Variants in UEVLD observed in about 807,000 individuals in gnomAD.
UEVLD encodes the protein ubiquitin-conjugating enzyme E2 variant 3.
Under a neutral mutation model 58.6 loss-of-function variants are expected in UEVLD, and 47 were observed. That is an observed-to-expected ratio of 0.80 (90% CI 0.63 to 1.02). UEVLD has a LOEUF of 1.02. UEVLD is among the 50% of genes least tolerant of loss of function. The pLI, the probability that UEVLD is intolerant of heterozygous loss-of-function variation, is 0.00. For synonymous variants in UEVLD, 197 were observed against 195.3 expected (o/e 1.01, Z -0.07); for missense variants, 510 against 550.6 (o/e 0.93, Z 0.74).
intron 6 of UEVLD, among the ~76,000 whole-genome samples, chr11:18,560,209 G>A (rs1416553787): frequency 6.0e-5 from 9 of 150,490 alleles, no homozygotes; most frequent in African/African-American, 2.0e-4. Context: ...CACTGAATTC[G>A]GCCTTACTTT....
Position 18,559,185 on chromosome 11 carries a change from TTTTTC to T in UEVLD, c.613-860_613-856del, listed in dbSNP as rs372949115. 8.7e-4 allele frequency among the ~76,000 whole-genome samples: 130 copies of T among 150,284 alleles called. 2 individuals carry two copies. The highest frequency in any genetic ancestry group is 2.5e-3 in the African/African-American group (102 of 40,818). On this transcript the variant is annotated intron_variant, in intron 6 of 11. Transcript: ENST00000396197. ...CACCGTGCCCAGGTCTGCAGGTTTCTTTTTCTTTTCTTTTCTTTTCTTTTTTTTTC... is the reference window on the plus strand; with the variant it reads ...CACCGTGCCCAGGTCTGCAGGTTTCTTTTTCTTTTCTTTTCTTTTTTTTTC...
At chr11:18,539,855 T>C (rs1198221333) in intron 9 of UEVLD, among the ~76,000 whole-genome samples, 1 of 152,194 alleles carries the variant, frequency 6.6e-6, no homozygotes, top group Non-Finnish European at 1.5e-5. Context: ...GACCTAAAGG[T>C]CTTGTATGTC....
chr11:18,581,160 C>G (rs1280935676), intron 1 of UEVLD, among the ~76,000 whole-genome samples: 2 of 126,154 alleles, frequency 1.6e-5, no homozygotes, highest in Admixed American at 1.7e-4. Flanking sequence ...TAGACTCAGT[C>G]TCAAAAAAAA....
chr11:18,537,324 ATTTTTT>A (rs1554974951), intron 9 of UEVLD, among the ~76,000 whole-genome samples: 1 of 131,562 alleles, frequency 7.6e-6, no homozygotes, highest in African/African-American at 2.9e-5. Context: ...ATATATATAT[ATTTTTT>A]TTTTTTTTTC....
chr11:18,551,422 CAA>C (rs34545423), intron 7 of UEVLD, among the ~76,000 whole-genome samples: 14 of 67,348 alleles, frequency 2.1e-4, no homozygotes, highest in Admixed American at 3.1e-4. Context: ...GACTCCATCA[CAA>C]AAAAAAAAAA....
chr11:18,557,201 G>A (rs1851789965), intron 7 of UEVLD, among the ~76,000 whole-genome samples: 1 of 151,826 alleles, frequency 6.6e-6, no homozygotes, highest in South Asian at 2.1e-4. Context: ...CGCCCAGGCT[G>A]GAGTGCAGTG....
chr11:18,534,725 T>C (rs1382368836), intron 10 of UEVLD, among the ~76,000 whole-genome samples: 2 of 152,226 alleles, frequency 1.3e-5, no homozygotes, highest in Non-Finnish European at 2.9e-5. Context: ...AAACAATAAA[T>C]ACCAATTTGC....
chr11:18,561,969 G>T (rs1180797097), intron 6 of UEVLD, among the ~76,000 whole-genome samples: 5 of 151,912 alleles, frequency 3.3e-5, no homozygotes, highest in African/African-American at 1.2e-4. Flanking sequence ...AAGGTTAGTT[G>T]CTGCTGCTAC....
At chr11:18,554,317 C>T (rs1851657583) in intron 7 of UEVLD, among the ~76,000 whole-genome samples, 1 of 151,930 alleles carries the variant, frequency 6.6e-6, no homozygotes, top group African/African-American at 2.4e-5. Context: ...GTCTCAAACT[C>T]CCGACCTCAG....
chr11:18,580,093 A>G (rs1853154814), intron 1 of UEVLD, among the ~76,000 whole-genome samples: 1 of 149,066 alleles, frequency 6.7e-6, no homozygotes, highest in Admixed American at 6.8e-5. Flanking sequence ...TTCATTTGGA[A>G]ATTCGAGGGA....
chr11:18,575,525 C>A, intron 2 of UEVLD, 113 bp from the exon 3 acceptor site: 2 of 928,358 alleles, frequency 2.2e-6, no homozygotes, highest in Non-Finnish European at 3.2e-6. Context: ...CACAAATACA[C>A]ACACAATCTC....
rs35906676 is a variant in UEVLD, at chr11:18,575,419, GAAAA to G, written c.128-11_128-8del. The G allele has an allele frequency of 1.6e-6, 2 of 1,243,010 alleles. No homozygotes were observed. The highest frequency in any genetic ancestry group is 1.7e-5 in the African/African-American group (1 of 59,474). 77.0% of individuals were successfully genotyped at this position (1,243,010 alleles called of 1,614,324 possible). ...TGAGAACTATCTTTAAAAACTAGAA[GAAAA>G]AAAAAAAAGCCCCAAAATGTGCAAT... On this transcript the variant is annotated splice_polypyrimidine_tract_variant and splice_region_variant and intron_variant, in intron 2 of 11. Transcript: ENST00000396197.
chr11:18,569,004 A>G (rs944429885), intron 4 of UEVLD, among the ~76,000 whole-genome samples: 4 of 151,764 alleles, frequency 2.6e-5, no homozygotes, highest in African/African-American at 9.7e-5. Flanking sequence ...ACACCATTCT[A>G]CTGCCTCAGC....
At chr11:18,545,830 A>G (rs906320978) in intron 8 of UEVLD, among the ~76,000 whole-genome samples, 1 of 152,222 alleles carries the variant, frequency 6.6e-6, no homozygotes, top group African/African-American at 2.4e-5. Context: ...CTGGTACAAA[A>G]AACTAAAAAA....
Position 18,544,764 on chromosome 11 carries a change from TCA to T in UEVLD, c.917_918del (p.Leu306GlnfsTer14). ...ATCACTCGATTTGCAGGAAATGTAC[TCA>T]GTTTCCATGTTACATAGGTCATGAT... is the stretch of plus-strand genomic sequence containing the variant. The part of the protein sequence containing the change: ...VEIMTYVTWK[L>X]STFPANRVIG... On this transcript the variant is annotated frameshift_variant, in exon 9 of 12. Transcript: ENST00000396197. LOFTEE classifies it high-confidence loss of function. 1 of 1,566,266 alleles carries T rather than the reference TCA, an allele frequency of 6.4e-7. No individual in the cohort carries two copies. Among genetic ancestry groups the T allele is most frequent in the South Asian group, 1.2e-5 (1 of 82,656 alleles).
chr11:18,570,609 G>T, intron 3 of UEVLD: 1 of 264,026 alleles, frequency 3.8e-6, no homozygotes, highest in Non-Finnish European at 7.2e-6. Flanking sequence ...AGCTGGGTGT[G>T]GTGGCACACA....
intron 7 of UEVLD, among the ~76,000 whole-genome samples, chr11:18,550,013 G>A (rs897683150): frequency 2.8e-5 from 4 of 144,790 alleles, no homozygotes; most frequent in South Asian, 2.2e-4. Flanking sequence ...GTAGAGATGG[G>A]GTTTCACAAT....
chr11:18,543,946 G>A (rs1447688562), intron 9 of UEVLD, among the ~76,000 whole-genome samples: 3 of 152,174 alleles, frequency 2.0e-5, no homozygotes, highest in Non-Finnish European at 4.4e-5. Context: ...TAGGGAGAAG[G>A]TCTGAACTTG....
In UEVLD at chr11:18,546,973, C is replaced by CATCA; in HGVS notation, c.789_792dup (p.Val265Ter). The CATCA allele has an allele frequency of 6.2e-7, 1 of 1,614,112 alleles. No homozygotes were observed. Among genetic ancestry groups the CATCA allele is most frequent in the Non-Finnish European group, 8.5e-7 (1 of 1,179,986 alleles). On this transcript the variant is annotated stop_gained and frameshift_variant, in exon 8 of 12. Transcript: ENST00000396197. LOFTEE classifies it high-confidence loss of function. ...AACATATCCACATTGCTCTGTACCA[C>CATCA]ATCAAGGTACGACTGAGAACTACCC...
Sources: allele counts gnomAD v4.1 joint callset (sites outside exome capture counted in the v4.1 genomes callset), GRCh38; gene constraint gnomAD v4.1.1; transcripts MANE v1.5; gene names NCBI Gene and HGNC (gene_info 2026-07-23, HGNC 2026-07-21).